SYNPR: variants seen among roughly 807,000 people sequenced by gnomAD.
SYNPR encodes synaptoporin.
A neutral mutation model predicts 32.9 loss-of-function variants in SYNPR; 23 were observed. The observed-to-expected ratio is 0.70, with a 90% CI of 0.50 to 0.99. The LOEUF is 0.99. Among genes scored for constraint, SYNPR ranks in the 50% least tolerant of loss-of-function variants. The probability of loss-of-function intolerance (pLI) is 0.00; values close to 1 mark genes in which losing one functional copy is unlikely to be tolerated. For synonymous variants in SYNPR, 146 were observed against 135.9 expected, an observed-to-expected ratio of 1.07 and a Z score of -0.52; for missense variants, 318 against 349.3, an observed-to-expected ratio of 0.91 and a Z score of 0.71.
At chr3:63,203,198 A>C in the SYNPR span, 2 of 151,634 alleles carry the variant, frequency 1.3e-5, no homozygotes, top group Middle Eastern at 3.4e-3. Flanking sequence ...GTGGGGCAGC[A>C]GAAATATTAG....
intron 2 of SYNPR, among the ~76,000 whole-genome samples, chr3:63,290,156 T>C (rs2086724557): frequency 6.7e-6 from 1 of 149,900 alleles, no homozygotes; most frequent in South Asian, 2.1e-4. Context: ...CCTTTTCACA[T>C]ATGAAAAAAT....
At chr3:63,320,578 C>G (rs2087101224) in intron 2 of SYNPR, among the ~76,000 whole-genome samples, 1 of 152,010 alleles carries the variant, frequency 6.6e-6, no homozygotes, top group Non-Finnish European at 1.5e-5. Flanking sequence ...CTAGTTCCCC[C>G]ACTTATGTCC....
chr3:63,209,309 C>G, the SYNPR span, among the ~76,000 whole-genome samples: 1 of 101,134 alleles, frequency 9.9e-6, no homozygotes, highest in Admixed American at 1.3e-4. Context: ...CAGCGAGACT[C>G]CGTCTCAAAA....
intron 3 of SYNPR, among the ~76,000 whole-genome samples, chr3:63,496,689 T>C (rs1056335522): frequency 6.6e-6 from 1 of 152,212 alleles, no homozygotes; most frequent in East Asian, 1.9e-4. Flanking sequence ...TGAGAATTAA[T>C]ACTTTTTTAC....
chr3:63,387,892 A>C (rs747570447), intron 2 of SYNPR, among the ~76,000 whole-genome samples: 14 of 152,212 alleles, frequency 9.2e-5, no homozygotes, highest in Non-Finnish European at 7.3e-5. Context: ...GCCAACCCTC[A>C]GTTAGAGACT....
At chr3:63,266,723 A>G (rs2086493281) in intron 2 of SYNPR, among the ~76,000 whole-genome samples, 1 of 149,836 alleles carries the variant, frequency 6.7e-6, no homozygotes, top group Non-Finnish European at 1.5e-5. Context: ...AAAAAACACA[A>G]AAAACCACAA....
intron 2 of SYNPR, among the ~76,000 whole-genome samples, chr3:63,457,354 T>C (rs997524678): frequency 1.3e-5 from 2 of 152,204 alleles, no homozygotes; most frequent in African/African-American, 4.8e-5. Flanking sequence ...ATAATGATCC[T>C]TTTTTTATTT....
intron 2 of SYNPR, among the ~76,000 whole-genome samples, chr3:63,425,923 C>T (rs1167660190): frequency 6.6e-6 from 1 of 151,948 alleles, no homozygotes; most frequent in Admixed American, 6.6e-5. Context: ...GCTGGGATTA[C>T]AGGCATGCGC....
the SYNPR span, among the ~76,000 whole-genome samples, chr3:63,202,239 C>T: frequency 2.0e-5 from 3 of 152,278 alleles, no homozygotes; most frequent in East Asian, 5.8e-4. Context: ...CCAGGTATAA[C>T]ATTCTCTGTA....
At position 63,307,003 on chromosome 3, in the gene SYNPR, G is replaced by T. The variant is rs186525817; in HGVS notation, c.84+28261G>T. On this transcript the variant is annotated intron_variant, in intron 2 of 5. Transcript: ENST00000478300. ...ATAATTGTCATATACTGAATACTTG[G>T]TCTGTGCTAGGCACTGTGCTGAGTG... Among the ~76,000 whole-genome samples the T allele has an allele frequency of 2.2e-3, 341 of 152,130 alleles. 5 individuals carry two copies. Among genetic ancestry groups the T allele is most frequent in the African/African-American group, 7.9e-3 (328 of 41,552 alleles).
upstream of SYNPR, among the ~76,000 whole-genome samples, chr3:63,224,718 G>T (rs1053403626): frequency 3.3e-5 from 5 of 152,172 alleles, no homozygotes; most frequent in African/African-American, 9.7e-5. Context: ...TCTAAGCTGG[G>T]AAGAAGCTGG....
intron 5 of SYNPR, among the ~76,000 whole-genome samples, chr3:63,611,270 GT>G (rs1559551195): frequency 6.6e-6 from 1 of 152,182 alleles, no homozygotes; most frequent in African/African-American, 2.4e-5. Context: ...CCAAATAATT[GT>G]TTCTTAGAGT....
intron 2 of SYNPR, among the ~76,000 whole-genome samples, chr3:63,409,076 A>G (rs567319756): frequency 6.6e-6 from 1 of 152,208 alleles, no homozygotes; most frequent in East Asian, 1.9e-4. Context: ...ATCCATCTGC[A>G]GCTTTCTTTC....
intron 3 of SYNPR, among the ~76,000 whole-genome samples, chr3:63,514,327 A>G (rs922722378): frequency 6.6e-6 from 1 of 152,216 alleles, no homozygotes; most frequent in Non-Finnish European, 1.5e-5. Flanking sequence ...CAGGGTGAGT[A>G]ACGTGCCATT....
chr3:63,468,852 A>G (rs1002268814), intron 2 of SYNPR, among the ~76,000 whole-genome samples: 2 of 152,136 alleles, frequency 1.3e-5, no homozygotes, highest in Non-Finnish European at 2.9e-5. Flanking sequence ...CTGATAATGG[A>G]TGCTGTGCTT....
At chr3:63,432,071 G>A (rs551852632) in intron 2 of SYNPR, among the ~76,000 whole-genome samples, 1 of 152,234 alleles carries the variant, frequency 6.6e-6, no homozygotes, top group African/African-American at 2.4e-5. Flanking sequence ...AGGAGTTGGA[G>A]GATAAATTCA....
At chr3:63,321,692 T>A (rs1447148609) in intron 2 of SYNPR, among the ~76,000 whole-genome samples, 2 of 152,098 alleles carry the variant, frequency 1.3e-5, no homozygotes, top group Non-Finnish European at 2.9e-5. Flanking sequence ...ATGCTCTCTG[T>A]TCCTCCTTTA....
chr3:63,496,465 A>G (rs1263758320), intron 3 of SYNPR, among the ~76,000 whole-genome samples: 1 of 152,106 alleles, frequency 6.6e-6, no homozygotes, highest in East Asian at 1.9e-4. Flanking sequence ...GTTTTTCACT[A>G]TCACAAACAA....
At chr3:63,486,868 G>T (rs1419281015) in intron 3 of SYNPR, among the ~76,000 whole-genome samples, 2 of 152,108 alleles carry the variant, frequency 1.3e-5, no homozygotes, top group Non-Finnish European at 2.9e-5. Context: ...GTTTTTCCCA[G>T]TTGGCAGTCA....
Sources: gnomAD v4.1 joint callset for allele counts (sites outside exome capture counted in the v4.1 genomes callset) on GRCh38, gnomAD v4.1.1 for gene constraint, MANE v1.5 for transcripts, NCBI Gene and HGNC (gene_info 2026-07-23, HGNC 2026-07-21) for gene names.